Variants in SEC14L1 observed in about 807,000 individuals in gnomAD.
SEC14L1 encodes SEC14-like protein 1.
In SEC14L1, 48 loss-of-function variants were observed where a neutral mutation model predicts 85.3. The observed-to-expected ratio is 0.56, with a 90% CI of 0.45 to 0.72. SEC14L1 has a LOEUF of 0.72. Among genes scored for constraint, SEC14L1 ranks in the 30% least tolerant of loss-of-function variants. SEC14L1 has a pLI of 0.00. For synonymous variants in SEC14L1, 391 were observed against 355.5 expected (o/e 1.10, Z -1.12); for missense variants, 682 against 921.4 (o/e 0.74, Z 3.36).
At chr17:77,107,743 A>G (rs1030790788) in intron 3 of SEC14L1, among the ~76,000 whole-genome samples, 3 of 152,184 alleles carry the variant, frequency 2.0e-5, no homozygotes, top group African/African-American at 7.2e-5. Flanking sequence ...GCTTCTCCAC[A>G]GTGGCGTTCT....
At chr17:77,089,362 T>C in intron 2 of SEC14L1, 1 of 518,400 alleles carries the variant, frequency 1.9e-6, no homozygotes. Context: ...GGGTGCAGCA[T>C]GGTACCAGGC....
intron 3 of SEC14L1, among the ~76,000 whole-genome samples, chr17:77,153,742 T>C (rs1485747048): frequency 6.6e-6 from 1 of 152,136 alleles, no homozygotes; most frequent in Non-Finnish European, 1.5e-5. Flanking sequence ...TGCCCTCTTC[T>C]GTTGTCTCTT....
chr17:77,196,262 G>C lies in SEC14L1; in HGVS notation c.770G>C (p.Ser257Thr). The C allele has an allele frequency of 6.2e-7, 1 of 1,614,162 alleles. No individual in the cohort carries two copies. The highest frequency in any genetic ancestry group is 1.1e-5 in the South Asian group (1 of 91,078). The change falls in exon 8 of 17, where the codon AGC becomes ACC. Residue 257 changes from serine to threonine, a missense_variant. This residue lies in a region of SEC14L1 where 420 missense variants were observed against 619.5 expected (regional missense o/e 0.68). Coordinates refer to ENST00000436233, the MANE Select transcript of SEC14L1 (RefSeq NM_001143998.2). ...YLGDLTPLQE[S>T]CLIRLRQWLQ... ...GGCGATTTGACTCCGCTGCAGGAGA[G>C]CTGCCTCATTAGACTTCGCCAGTGG...
chr17:77,183,495 A>G (rs1445010509), intron 3 of SEC14L1, among the ~76,000 whole-genome samples: 1 of 152,192 alleles, frequency 6.6e-6, no homozygotes, highest in Non-Finnish European at 1.5e-5. Context: ...CAGGCAAAGA[A>G]TCGTGCACCT....
chr17:77,119,524 G>A (rs893007197), intron 3 of SEC14L1, among the ~76,000 whole-genome samples: 9 of 152,142 alleles, frequency 5.9e-5, no homozygotes, highest in East Asian at 1.9e-4. Context: ...AAGAGCAGAC[G>A]TGGCTGTTGT....
chr17:77,091,321 C>T (rs1446880842), intron 2 of SEC14L1, among the ~76,000 whole-genome samples: 1 of 152,150 alleles, frequency 6.6e-6, no homozygotes, highest in Non-Finnish European at 1.5e-5. Flanking sequence ...CTCCTGACCT[C>T]TGGTGATCTG....
intron 7 of SEC14L1, among the ~76,000 whole-genome samples, chr17:77,195,416 TCAAG>T (rs1484002537): frequency 1.3e-5 from 2 of 152,144 alleles, no homozygotes; most frequent in African/African-American, 4.8e-5. Context: ...TCTCCCGGGT[TCAAG>T]TGATTTTCCT....
rs1055613276 is a variant in SEC14L1, at chr17:77,111,234, G to A, written c.-136+17887G>A. ...ATACATGTGTGTGGTCCAGAAAGGCGGGACAACTCAAAGCCGGGGGTGGGA... is the reference window on the plus strand; with the variant it reads ...ATACATGTGTGTGGTCCAGAAAGGCAGGACAACTCAAAGCCGGGGGTGGGA... On this transcript the variant is annotated intron_variant, in intron 3 of 19. Coordinates refer to the SEC14L1 transcript ENST00000392476. Among the ~76,000 whole-genome samples the A allele has an allele frequency of 2.6e-5, 4 of 152,028 alleles. No homozygotes were observed. The South Asian group carries it at 6.2e-4, about 24-fold the overall frequency.
At chr17:77,100,418 C>T (rs867604327) in intron 3 of SEC14L1, among the ~76,000 whole-genome samples, 169 of 33,192 alleles carry the variant, frequency 5.1e-3, no homozygotes, top group Middle Eastern at 0.028. Context: ...TTTTCTTTCT[C>T]TCTCTCTCTC....
intron 7 of SEC14L1, among the ~76,000 whole-genome samples, chr17:77,195,435 C>T (rs531052260): frequency 2.6e-5 from 4 of 152,218 alleles, no homozygotes; most frequent in African/African-American, 7.2e-5. Context: ...TTTCCTGCCT[C>T]AGCCTCCCGA....
At chr17:77,192,223 A>G (rs1975578521) in intron 5 of SEC14L1, among the ~76,000 whole-genome samples, 1 of 152,200 alleles carries the variant, frequency 6.6e-6, no homozygotes, top group Non-Finnish European at 1.5e-5. Context: ...CAGTATCTTC[A>G]CTGCTTACCA....
upstream of SEC14L1, among the ~76,000 whole-genome samples, chr17:77,137,011 G>A (rs775481747): frequency 6.6e-6 from 1 of 151,724 alleles, no homozygotes; most frequent in Non-Finnish European, 1.5e-5. Context: ...CCAGGTTCAA[G>A]CAATTCTCCT....
chr17:77,195,476 G>A (rs1240613787), intron 7 of SEC14L1, among the ~76,000 whole-genome samples: 1 of 151,864 alleles, frequency 6.6e-6, no homozygotes, highest in Non-Finnish European at 1.5e-5. Flanking sequence ...GTGCCACCAC[G>A]CCTGACTAAT....
chr17:77,160,323 C>A (rs2139461), intron 3 of SEC14L1, among the ~76,000 whole-genome samples: 1 of 152,056 alleles, frequency 6.6e-6, no homozygotes, highest in African/African-American at 2.4e-5. Context: ...CGTACTCTGC[C>A]AAGTCCAGGC....
rs1976960222 is a variant in SEC14L1 at position 77,214,828 on chromosome 17, C to T, written c.*805C>T. ...CGTCGCCCCTCTCACCTGCAGTCAG[C>T]TCCCAGCCCAGTGTAGGCCATCTCC... On this transcript the variant is annotated 3_prime_UTR_variant, in exon 17 of 17. Coordinates refer to ENST00000436233, the MANE Select transcript of SEC14L1 (RefSeq NM_001143998.2). 3 of 985,510 alleles carry T rather than the reference C, an allele frequency of 3.0e-6. No homozygotes were observed. Among genetic ancestry groups the T allele is most frequent in the Admixed American group, 6.1e-5 (1 of 16,270 alleles). The allele number at this position is 985,510 out of a possible 1,614,324, so 61.0% of individuals were successfully genotyped here.
At chr17:77,126,504 C>T (rs761138709) in intron 3 of SEC14L1, among the ~76,000 whole-genome samples, 4 of 152,190 alleles carry the variant, frequency 2.6e-5, no homozygotes, top group Non-Finnish European at 5.9e-5. Flanking sequence ...ACTCTTTGTG[C>T]CTCGGTCTCC....
intron 3 of SEC14L1, among the ~76,000 whole-genome samples, chr17:77,115,430 A>C (rs1350351789): frequency 6.6e-6 from 1 of 151,994 alleles, no homozygotes; most frequent in Non-Finnish European, 1.5e-5. Flanking sequence ...ACTCCATCTC[A>C]AAAAAATAAA....
At chr17:77,209,508 G>A (rs1273645860) in intron 14 of SEC14L1, 32 bp downstream of exon 14, 2 of 1,608,208 alleles carry the variant, frequency 1.2e-6, no homozygotes, top group Admixed American at 3.3e-5. Context: ...ACCTGGGCCG[G>A]CCCTTCCTCC....
At chr17:77,123,232 G>A (rs1434389596) in intron 3 of SEC14L1, among the ~76,000 whole-genome samples, 1 of 151,222 alleles carries the variant, frequency 6.6e-6, no homozygotes, top group Non-Finnish European at 1.5e-5. Flanking sequence ...TGTATTTTTA[G>A]TAGAGATGGG....
Sources: gnomAD v4.1 joint callset for allele counts (sites outside exome capture counted in the v4.1 genomes callset) on GRCh38, gnomAD v4.1.1 for gene constraint, gnomAD v4.1.1 regional missense constraint, MANE v1.5 for transcripts, NCBI Gene and HGNC (gene_info 2026-07-23, HGNC 2026-07-21) for gene names.